The following ZBTB11 variants were observed in gnomAD, a reference collection of about 807,000 sequenced individuals.
ZBTB11 encodes the protein zinc finger and BTB domain containing 11, also known as zinc finger and BTB domain-containing protein 11.
Under a neutral mutation model 113.1 loss-of-function variants are expected in ZBTB11, and 68 were observed. The ratio of observed to expected loss-of-function variants is 0.60; its 90% CI spans 0.49 to 0.74. ZBTB11 has a LOEUF of 0.74. ZBTB11 is among the 30% of genes least tolerant of loss of function. The probability of loss-of-function intolerance (pLI) is 0.00; values close to 1 mark genes in which losing one functional copy is unlikely to be tolerated. For synonymous variants in ZBTB11, 518 were observed against 452.6 expected, an observed-to-expected ratio of 1.14 and a Z score of -1.83; for missense variants, 1,104 against 1,279.4, an observed-to-expected ratio of 0.86 and a Z score of 2.09.
At chr3:101,653,150 T>G (rs908917898) in intron 8 of ZBTB11, among the ~76,000 whole-genome samples, 1 of 152,224 alleles carries the variant, frequency 6.6e-6, no homozygotes, top group Non-Finnish European at 1.5e-5. Flanking sequence ...GAATCGTGCA[T>G]AGTTCCCAAA....
chr3:101,652,770 A>G lies in ZBTB11; in HGVS notation c.2468+10T>C. The G allele has an allele frequency of 6.2e-7, 1 of 1,609,986 alleles. No homozygotes were observed. Among genetic ancestry groups the G allele is most frequent in the Non-Finnish European group, 8.5e-7 (1 of 1,178,100 alleles). On this transcript the variant is annotated intron_variant, in intron 9 of 10. Transcript: ENST00000312938. ...TCAATTAAGTTCAGCTCCTTCTCAA[A>G]TTTACTCACCTATAAGGCTCAGTGA...
Position 101,672,044 on chromosome 3 carries a change from A to C in ZBTB11, c.480T>G (p.Thr160=). ...GCTTGGATGCTGTAGTTGGAGATGAAGTAAAGTTGCTCAGGTCATCTTCCG... is the reference window on the plus strand; with the variant it reads ...GCTTGGATGCTGTAGTTGGAGATGACGTAAAGTTGCTCAGGTCATCTTCCG... ...NESEDDLSNF[T]SSPTTASKPA... The change falls in exon 2 of 11, where the codon ACT becomes ACG. Residue 160 remains threonine (T), a synonymous_variant. Transcript: ENST00000312938. The C allele has an allele frequency of 6.2e-7, 1 of 1,614,174 alleles. No individual in the cohort carries two copies. Among genetic ancestry groups the C allele is most frequent in the East Asian group, 2.2e-5 (1 of 44,874 alleles).
chr3:101,663,729 A>C (rs914942986), intron 5 of ZBTB11, among the ~76,000 whole-genome samples: 3 of 152,098 alleles, frequency 2.0e-5, no homozygotes, highest in African/African-American at 7.2e-5. Flanking sequence ...TGCATATAAA[A>C]ATACAAAAAA....
chr3:101,672,950 GA>G (rs1937106449), intron 1 of ZBTB11, among the ~76,000 whole-genome samples: 2 of 152,160 alleles, frequency 1.3e-5, no homozygotes, highest in Admixed American at 6.5e-5. Flanking sequence ...AATTTCAGAT[GA>G]AAAAAGCTGA....
intron 6 of ZBTB11, among the ~76,000 whole-genome samples, chr3:101,657,930 G>C (rs1470108245): frequency 1.3e-5 from 2 of 152,156 alleles, no homozygotes; most frequent in African/African-American, 4.8e-5. Flanking sequence ...TTGAAACCAG[G>C]AGTTCGAGTT....
rs763739830 is a variant in ZBTB11 at position 101,652,927 on chromosome 3, C to G, written c.2321G>C (p.Ser774Thr). ...GCGAAGATCTCTAGCTTCAAAGAAA[C>G]TTTTTTCACATCTGCAATAAAGTTC... is the stretch of plus-strand genomic sequence containing the variant. The part of the protein sequence containing the change: ...RGYHCTQCEK[S>T]FFEARDLRQH... The change falls in exon 9 of 11, where the codon AGT (serine) becomes ACT (threonine). Residue 774 changes from serine (S) to threonine (T), a missense_variant. Physicochemically the swap from Ser to Thr is moderately conservative, Grantham distance 58. Transcript: ENST00000312938. 6.2e-7 allele frequency: 1 copy of G among 1,611,298 alleles called. No homozygotes were observed. The highest frequency in any genetic ancestry group is 2.2e-5 in the East Asian group (1 of 44,866).
At chr3:101,672,270 ATTAT>A (rs1297089647) in intron 1 of ZBTB11, 57 bp from the exon 2 acceptor site, 18 of 1,256,900 alleles carry the variant, frequency 1.4e-5, no homozygotes, top group South Asian at 1.1e-4. Context: ...AACAGAATAT[ATTAT>A]TTAGTCTGTG....
chr3:101,656,984 T>C (rs575007020), intron 6 of ZBTB11, among the ~76,000 whole-genome samples: 1 of 140,244 alleles, frequency 7.1e-6, no homozygotes, highest in South Asian at 2.3e-4. Context: ...AAAAAAAAAA[T>C]ACAAAAATTA....
chr3:101,651,212 A>G lies in ZBTB11; in HGVS notation c.3116T>C (p.Ile1039Thr), dbSNP rs1936696254. 1.2e-6 allele frequency: 2 copies of G among 1,609,848 alleles called. No individual in the cohort carries two copies. The highest frequency in any genetic ancestry group is 1.7e-6 in the Non-Finnish European group (2 of 1,178,574). Residue 1039 changes from isoleucine to threonine, a missense_variant, in exon 11 of 11, where the codon ATT becomes ACT. Coordinates refer to ENST00000312938, the MANE Select transcript of ZBTB11 (RefSeq NM_014415.4). Reference protein sequence around the residue: ...GQKLSEVAEAIQTVKVEVAHI... With the variant: ...GQKLSEVAEATQTVKVEVAHI... ...TGCTACCTCTACTTTAACAGTTTGAATAGCTTCTGCAACTTCAGATAGCTT... is the reference window on the plus strand; with the variant it reads ...TGCTACCTCTACTTTAACAGTTTGAGTAGCTTCTGCAACTTCAGATAGCTT...
intron 1 of ZBTB11, among the ~76,000 whole-genome samples, chr3:101,673,788 GAC>G (rs1937119554): frequency 6.6e-6 from 1 of 152,286 alleles, no homozygotes; most frequent in South Asian, 2.1e-4. Flanking sequence ...GTGCTGGGAT[GAC>G]GGGCATGAGC....
In ZBTB11 at chr3:101,659,924, A is replaced by G. The variant is rs1936859087; in HGVS notation, c.1905T>C (p.Asn635=). Residue 635 remains asparagine (N), a synonymous_variant, in exon 6 of 11, where the codon AAT becomes AAC. Transcript: ENST00000312938. ...PSSSSSNSTS[N]EASGTSSEKG... ...TCTCAGATGATGTTCCCGATGCTTC[A>G]TTAGACGTGGAATTGGACGAGGATG... 6.2e-7 allele frequency: 1 copy of G among 1,614,202 alleles called. No individual in the cohort carries two copies. Among genetic ancestry groups the G allele is most frequent in the African/African-American group, 1.3e-5 (1 of 75,060 alleles).
intron 3 of ZBTB11, among the ~76,000 whole-genome samples, chr3:101,667,546 A>G (rs919907425): frequency 2.0e-5 from 3 of 152,224 alleles, no homozygotes; most frequent in Non-Finnish European, 2.9e-5. Flanking sequence ...ATGAACAAAC[A>G]TACAGAGAAG....
At chr3:101,659,748 T>C (rs775842688) in intron 6 of ZBTB11, 35 bp downstream of exon 6, 4 of 1,608,388 alleles carry the variant, frequency 2.5e-6, no homozygotes, top group Admixed American at 3.3e-5. Flanking sequence ...AGTTCTAATG[T>C]TCTTTAAATA....
In ZBTB11 at chr3:101,664,927, G is replaced by C. The variant is rs759364388; in HGVS notation, c.1623+37C>G. 3 of 1,564,758 alleles carry C rather than the reference G, an allele frequency of 1.9e-6. No individual in the cohort carries two copies. The African/African-American group carries it at 4.1e-5, about 21-fold the overall frequency. On this transcript the variant is annotated intron_variant, in intron 4 of 10. Coordinates refer to ENST00000312938, the MANE Select transcript of ZBTB11 (RefSeq NM_014415.4). ...ATCAATACAATGCTTTCAACCTAAA[G>C]CTAAAACTACAAAGGTCAACCCTTC...
rs1395154286 is a variant in ZBTB11, at chr3:101,676,925, G to C, written c.-11C>G. On this transcript the variant is annotated 5_prime_UTR_variant, in exon 1 of 11. Coordinates refer to ENST00000312938, the MANE Select transcript of ZBTB11 (RefSeq NM_014415.4). ...TTCCTCGCTTGACATCGCGGACCGC[G>C]GCTCCCTGAGGGCGCCTGTCAGGGA... is the stretch of plus-strand genomic sequence containing the variant. 3 of 1,552,712 alleles carry C rather than the reference G, an allele frequency of 1.9e-6. No individual in the cohort carries two copies. The East Asian group carries it at 7.0e-5, about 36-fold the overall frequency.
rs1188790408 is a variant in ZBTB11 at position 101,677,115 on chromosome 3, C to T, written c.-201G>A. On this transcript the variant is annotated 5_prime_UTR_variant, in exon 1 of 11. Transcript: ENST00000312938. ...GGGGGAACTGCACTTCTCCAGCGCG[C>T]GGGATCCGCTGGCGACTGACAAAAT... 1.7e-6 allele frequency: 1 copy of T among 574,814 alleles called. No individual in the cohort carries two copies. The highest frequency in any genetic ancestry group is 3.8e-5 in the Admixed American group (1 of 26,284). The allele number at this position is 574,814 out of a possible 1,614,324, so 35.6% of individuals were successfully genotyped here. A position where few individuals can be genotyped will look rare whatever the true frequency, so the allele number is the denominator to read the frequency against.
chr3:101,669,301 C>T (rs1937047678), intron 3 of ZBTB11, among the ~76,000 whole-genome samples: 1 of 152,246 alleles, frequency 6.6e-6, no homozygotes, highest in South Asian at 2.1e-4. Context: ...TTTGGGATTA[C>T]TGGCGTGAGC....
In ZBTB11 at chr3:101,665,073, C is replaced by T. The variant is rs1230362931; in HGVS notation, c.1514G>A (p.Ser505Asn). 6.2e-7 allele frequency: 1 copy of T among 1,614,126 alleles called. No individual in the cohort carries two copies. The highest frequency in any genetic ancestry group is 1.7e-5 in the Admixed American group (1 of 60,020). ...ATTAACAGAACGTTGTCGAAGCCTG[C>T]TTCTATAAGTATCATCATCAGGGCC... ...DFGPDDDTYRSRLRQRSVNEG... is the reference protein window; with the variant it reads ...DFGPDDDTYRNRLRQRSVNEG... Residue 505 changes from serine (S) to asparagine (N), a missense_variant, in exon 4 of 11, where the codon AGC becomes AAC. By Grantham distance (46) the Ser-to-Asn change is conservative. Coordinates refer to ENST00000312938, the MANE Select transcript of ZBTB11 (RefSeq NM_014415.4).
intron 3 of ZBTB11, among the ~76,000 whole-genome samples, chr3:101,667,706 G>C (rs2108325207): frequency 6.6e-6 from 1 of 152,136 alleles, no homozygotes; most frequent in East Asian, 1.9e-4. Context: ...TTGTTGCCCA[G>C]GCTGGAGTGC....
Sources: allele counts gnomAD v4.1 joint callset (sites outside exome capture counted in the v4.1 genomes callset), GRCh38; gene constraint gnomAD v4.1.1; transcripts MANE v1.5; gene names NCBI Gene and HGNC (gene_info 2026-07-23, HGNC 2026-07-21).